NCKAP5: variants seen among roughly 807,000 people sequenced by gnomAD.
NCKAP5 encodes the protein nck-associated protein 5.
In NCKAP5, 92 loss-of-function variants were observed where a neutral mutation model predicts 167.0. The observed-to-expected ratio is 0.55, with a 90% CI of 0.47 to 0.66. The LOEUF (loss-of-function observed/expected upper bound fraction) is 0.66, where lower values mean the gene tolerates loss of function less well. Ranked by LOEUF, NCKAP5 falls within the 30% of genes least tolerant of loss-of-function variation. The probability of loss-of-function intolerance (pLI) is 0.00; values close to 1 mark genes in which losing one functional copy is unlikely to be tolerated. For missense variants in NCKAP5, 2,378 were observed against 2,315.0 expected, an observed-to-expected ratio of 1.03 and a Z score of -0.56; for synonymous variants, 891 against 877.4, an observed-to-expected ratio of 1.02 and a Z score of -0.27.
intron 4 of NCKAP5, among the ~76,000 whole-genome samples, chr2:133,295,234 A>T (rs893766079): frequency 6.6e-6 from 1 of 152,174 alleles, no homozygotes; most frequent in Non-Finnish European, 1.5e-5. Context: ...AGTCATATGT[A>T]TTCTATATTT....
chr2:133,566,450 T>C (rs928708184), intron 1 of NCKAP5, among the ~76,000 whole-genome samples: 3 of 152,220 alleles, frequency 2.0e-5, no homozygotes, highest in Admixed American at 2.0e-4. Context: ...CACAGAGTTC[T>C]CTTTGGTTTG....
Position 132,878,922 on chromosome 2 carries a change from G to A in NCKAP5, c.580-6C>T, listed in dbSNP as rs765798617. On this transcript the variant is annotated splice_region_variant and splice_polypyrimidine_tract_variant and intron_variant, in intron 8 of 19. Coordinates refer to ENST00000409261, the MANE Select transcript of NCKAP5 (RefSeq NM_207363.3). ...GCCAACGCTGAATTCTCTGCCTGCA[G>A]TAAGATACAAAAATAACACAAATAA... 9.5e-5 allele frequency: 153 copies of A among 1,608,900 alleles called. No homozygotes were observed. Among genetic ancestry groups the A allele is most frequent in the Non-Finnish European group, 1.3e-4 (147 of 1,175,388 alleles).
Position 132,785,452 on chromosome 2 carries a change from T to C in NCKAP5, c.1359A>G (p.Lys453=). ...SSSLKEYPPC[K]TADLGSPCKE... ...TGCAGGGGCTCCCCAGGTCAGCTGT[T>C]TTGCAGGGGGGATACTCCTTGAGGC... is the stretch of plus-strand genomic sequence containing the variant. The change falls in exon 14 of 20, where the codon AAA becomes AAG. Residue 453 remains lysine (K), a synonymous_variant. Coordinates refer to ENST00000409261, the MANE Select transcript of NCKAP5 (RefSeq NM_207363.3). 1 of 1,613,736 alleles carries C rather than the reference T, an allele frequency of 6.2e-7. No individual in the cohort carries two copies. The highest frequency in any genetic ancestry group is 8.5e-7 in the Non-Finnish European group (1 of 1,179,762).
At chr2:133,441,845 A>G (rs1053261849) in intron 3 of NCKAP5, among the ~76,000 whole-genome samples, 10 of 152,172 alleles carry the variant, frequency 6.6e-5, no homozygotes, top group Admixed American at 3.3e-4. Flanking sequence ...AATTAATACC[A>G]TATCTAAGAC....
chr2:132,719,244 G>A (rs973347068), intron 19 of NCKAP5, among the ~76,000 whole-genome samples: 7 of 152,022 alleles, frequency 4.6e-5, no homozygotes, highest in African/African-American at 1.7e-4. Flanking sequence ...TGTAAGAGGA[G>A]GTGATTGGAT....
intron 19 of NCKAP5, among the ~76,000 whole-genome samples, chr2:132,711,440 T>G (rs920207504): frequency 6.6e-6 from 1 of 152,218 alleles, no homozygotes; most frequent in Non-Finnish European, 1.5e-5. Context: ...GGTATTATCG[T>G]CATTTGGTGG....
chr2:133,662,234 C>T, the NCKAP5 span, among the ~76,000 whole-genome samples: 1 of 152,122 alleles, frequency 6.6e-6, no homozygotes, highest in Admixed American at 6.5e-5. Context: ...GAAAAATCCA[C>T]CTTACCAAGT....
intron 6 of NCKAP5, among the ~76,000 whole-genome samples, chr2:133,028,704 A>G (rs2078778695): frequency 6.6e-6 from 1 of 152,182 alleles, no homozygotes. Context: ...GATATAGTTT[A>G]GATATGTGTC....
At chr2:133,665,719 C>T in the NCKAP5 span, among the ~76,000 whole-genome samples, 4 of 152,100 alleles carry the variant, frequency 2.6e-5, no homozygotes, top group Non-Finnish European at 5.9e-5. Context: ...GAAAAAACCA[C>T]AATATCCGCG....
intron 3 of NCKAP5, among the ~76,000 whole-genome samples, chr2:133,310,990 T>A (rs1372597077): frequency 6.6e-6 from 1 of 152,182 alleles, no homozygotes; most frequent in Non-Finnish European, 1.5e-5. Flanking sequence ...TGAATGGGAA[T>A]TTTTCCCTAT....
the NCKAP5 span, among the ~76,000 whole-genome samples, chr2:133,647,376 A>AAAGGAAGGAAGGAAGGAAGGAAGGAAGG: frequency 8.5e-5 from 7 of 82,526 alleles, no homozygotes; most frequent in Non-Finnish European, 8.7e-5. Context: ...AGGAAGAAAG[A>AAAGGAAGGAAGGAAGGAAGGAAGGAAGG]AAGGAAGGAA....
At chr2:132,778,556 C>T (rs920527309) in intron 15 of NCKAP5, among the ~76,000 whole-genome samples, 16 of 151,984 alleles carry the variant, frequency 1.1e-4, no homozygotes, top group Admixed American at 5.2e-4. Context: ...TGGTATAGTA[C>T]GTCATAAGGT....
In NCKAP5 at chr2:132,761,246, A is replaced by G. The variant is rs191749225; in HGVS notation, c.5128+12570T>C. ...TTGGCTTTCATTATGTCAACAATTTAGCTCCTTAAAACCAGGTTCTGGGTA... is the reference window on the plus strand; with the variant it reads ...TTGGCTTTCATTATGTCAACAATTTGGCTCCTTAAAACCAGGTTCTGGGTA... On this transcript the variant is annotated intron_variant, in intron 16 of 19. Coordinates refer to ENST00000409261, the MANE Select transcript of NCKAP5 (RefSeq NM_207363.3). 4.0e-3 allele frequency among the ~76,000 whole-genome samples: 605 copies of G among 150,984 alleles called. 8 individuals are homozygous for G. Among genetic ancestry groups the G allele is most frequent in the Non-Finnish European group, 2.7e-3 (184 of 67,100 alleles).
Position 132,846,894 on chromosome 2 carries a change from G to T in NCKAP5, c.807+13598C>A, listed in dbSNP as rs142746706. On this transcript the variant is annotated intron_variant, in intron 11 of 19. Coordinates refer to ENST00000409261, the MANE Select transcript of NCKAP5 (RefSeq NM_207363.3). ...TAAGGCTCTTTTATAAATTGCATAT[G>T]CTTGTATACACTACCCATTTTATTA... Among the ~76,000 whole-genome samples, 1,145 of 152,276 alleles carry T rather than the reference G, an allele frequency of 7.5e-3. 13 individuals are homozygous for T. Among genetic ancestry groups the T allele is most frequent in the African/African-American group, 0.026 (1,078 of 41,556 alleles).
chr2:133,382,995 T>A (rs1055674710), intron 3 of NCKAP5, among the ~76,000 whole-genome samples: 1 of 152,186 alleles, frequency 6.6e-6, no homozygotes, highest in Non-Finnish European at 1.5e-5. Flanking sequence ...AGCCACTGAT[T>A]ATGCTTAAAT....
At chr2:132,984,673 T>C (rs1040189191) in intron 7 of NCKAP5, among the ~76,000 whole-genome samples, 3 of 152,076 alleles carry the variant, frequency 2.0e-5, no homozygotes, top group African/African-American at 7.2e-5. Flanking sequence ...GCAGGCCTGT[T>C]CCACTTCTTT....
Position 132,783,333 on chromosome 2 carries a change from G to A in NCKAP5, c.3478C>T (p.Leu1160Phe), listed in dbSNP as rs1683227450. The A allele has an allele frequency of 3.1e-6, 5 of 1,613,822 alleles. No individual in the cohort carries two copies. Among genetic ancestry groups the A allele is most frequent in the Non-Finnish European group, 4.2e-6 (5 of 1,179,858 alleles). Residue 1160 changes from leucine to phenylalanine, a missense_variant, in exon 14 of 20, where the codon CTC (leucine) becomes TTC (phenylalanine). Leu to Phe is a conservative substitution (Grantham distance 22). Coordinates refer to ENST00000409261, the MANE Select transcript of NCKAP5 (RefSeq NM_207363.3). ...CCTGGCACGGTGGAACTTTTCCTGAGCAGCTGGGGAGACTTCATGAGCACT... is the reference window on the plus strand; with the variant it reads ...CCTGGCACGGTGGAACTTTTCCTGAACAGCTGGGGAGACTTCATGAGCACT... ...LKVLMKSPQL[L>F]RKSSTVPGKH...
the NCKAP5 span, among the ~76,000 whole-genome samples, chr2:133,583,958 G>T: frequency 6.6e-6 from 1 of 152,098 alleles, no homozygotes; most frequent in African/African-American, 2.4e-5. Flanking sequence ...GTTTCACCGT[G>T]TTAGCCAGGA....
At chr2:133,596,931 T>A in the NCKAP5 span, among the ~76,000 whole-genome samples, 1 of 152,158 alleles carries the variant, frequency 6.6e-6, no homozygotes, top group Non-Finnish European at 1.5e-5. Context: ...ACCTCCATCT[T>A]TCATGCAAAA....
Sources: gnomAD v4.1 joint callset for allele counts (sites outside exome capture counted in the v4.1 genomes callset) on GRCh38, gnomAD v4.1.1 for gene constraint, MANE v1.5 for transcripts, NCBI Gene and HGNC (gene_info 2026-07-23, HGNC 2026-07-21) for gene names.